TFDP1: variants seen among roughly 807,000 people sequenced by gnomAD.
The protein encoded by TFDP1 is transcription factor Dp-1.
In TFDP1, 6 loss-of-function variants were observed where a neutral mutation model predicts 48.0. The observed-to-expected ratio is 0.13, with a 90% CI of 0.07 to 0.25. TFDP1 has a LOEUF of 0.25. TFDP1 is among the 10% of genes least tolerant of loss of function. The pLI, the probability that TFDP1 is intolerant of heterozygous loss-of-function variation, is 1.00. For missense variants in TFDP1, 335 were observed against 543.0 expected, an observed-to-expected ratio of 0.62 and a Z score of 3.81; for synonymous variants, 201 against 211.6, an observed-to-expected ratio of 0.95 and a Z score of 0.44.
In TFDP1 at chr13:113,636,018, G is replaced by A. The variant is rs4150806; in HGVS notation, c.729G>A (p.Ala243=). 1.2e-3 allele frequency: 1,889 copies of A among 1,614,096 alleles called. 21 individuals carry two copies. The African/African-American group carries it at 0.022, about 19-fold the overall frequency. ...ACCTGGTGCAGAGAAACCGGCATGC[G>A]GAGCAGCAGGCCAGCCGGCCACCGC... is the stretch of plus-strand genomic sequence containing the variant. ...FKNLVQRNRH[A]EQQASRPPPP... Residue 243 remains alanine (A), a synonymous_variant, in exon 9 of 12, where the codon GCG becomes GCA. Coordinates refer to ENST00000375370, the MANE Select transcript of TFDP1 (RefSeq NM_007111.5).
At chr13:113,599,386 C>G (rs1189156704) in intron 2 of TFDP1, among the ~76,000 whole-genome samples, 5 of 152,190 alleles carry the variant, frequency 3.3e-5, no homozygotes, top group African/African-American at 7.2e-5. Context: ...GTCACATAGG[C>G]AGCATTTACA....
At chr13:113,634,835 G>A (rs886642775) in intron 8 of TFDP1, among the ~76,000 whole-genome samples, 6 of 151,884 alleles carry the variant, frequency 4.0e-5, no homozygotes, top group East Asian at 1.9e-4. Context: ...GCATGTGTGT[G>A]TGTGTGCATG....
At chr13:113,618,017 G>A (rs1019123029) in intron 3 of TFDP1, among the ~76,000 whole-genome samples, 1 of 152,188 alleles carries the variant, frequency 6.6e-6, no homozygotes, top group African/African-American at 2.4e-5. Flanking sequence ...TATATAAAAT[G>A]TTTTTAATTA....
chr13:113,634,912 CGTGT>C (rs143479500), intron 8 of TFDP1, among the ~76,000 whole-genome samples: 16 of 151,074 alleles, frequency 1.1e-4, no homozygotes, highest in African/African-American at 2.2e-4. Context: ...TGCCTGTGTG[CGTGT>C]GTGTGTGTGC....
chr13:113,605,053 C>T lies in TFDP1; in HGVS notation c.13-5943C>T, dbSNP rs1453635403. ...AGCCTCAGCAGGGCGTTGTGTTTGA[C>T]GGCAAATGGGAATTAAATCATGGCA... is the stretch of plus-strand genomic sequence containing the variant. On this transcript the variant is annotated intron_variant, in intron 2 of 11. Transcript: ENST00000375370. Among the ~76,000 whole-genome samples, 6 of 152,232 alleles carry T rather than the reference C, an allele frequency of 3.9e-5. No homozygotes were observed. In the South Asian group the frequency reaches 6.2e-4, roughly 16 times the overall value.
chr13:113,585,680 C>G, intron 1 of TFDP1, 94 bp from the exon 2 acceptor site: 2 of 712,830 alleles, frequency 2.8e-6, no homozygotes, highest in Non-Finnish European at 4.5e-6. Flanking sequence ...GAAGGAAGGT[C>G]CGCGTTTCCT....
At chr13:113,632,982 G>C in intron 5 of TFDP1, 138 bp from the exon 6 acceptor site, 1 of 1,026,058 alleles carries the variant, frequency 9.7e-7, no homozygotes, top group Non-Finnish European at 1.4e-6. Context: ...GCCTGCTCAC[G>C]TGTTGGATCT....
chr13:113,587,597 G>C lies in TFDP1; in HGVS notation c.12+1748G>C, dbSNP rs534984811. Among the ~76,000 whole-genome samples the C allele has an allele frequency of 2.0e-5, 3 of 146,804 alleles. No homozygotes were observed. In the East Asian group the frequency reaches 6.2e-4, roughly 31 times the overall value. ...TCTCCTGGGTTTAAGCAATCCTCTC[G>C]CCTCAGCCTCCCGAGAAGCTAGGAT... On this transcript the variant is annotated intron_variant, in intron 2 of 11. Coordinates refer to ENST00000375370, the MANE Select transcript of TFDP1 (RefSeq NM_007111.5).
chr13:113,640,071 C>T, intron 11 of TFDP1, 49 bp from the exon 12 acceptor site: 1 of 1,411,516 alleles, frequency 7.1e-7, no homozygotes, highest in East Asian at 2.4e-5. Context: ...CGGGGGGAGG[C>T]TGGGTGGGCC....
chr13:113,584,846 C>G lies in TFDP1; in HGVS notation c.-107C>G, dbSNP rs1026489389. On this transcript the variant is annotated 5_prime_UTR_variant, in exon 1 of 12. Transcript: ENST00000375370. ...GCGCCGCCCCGCGCTCCGCACCGCG[C>G]CCTCTCCGCGTCCCCGCCCGCGCGG... 6.8e-6 allele frequency: 1 copy of G among 146,344 alleles called. No individual in the cohort carries two copies. Among genetic ancestry groups the G allele is most frequent in the African/African-American group, 2.5e-5 (1 of 40,810 alleles). The allele number at this position is 146,344 out of a possible 1,614,324, so 9.1% of individuals were successfully genotyped here. A position where few individuals can be genotyped will look rare whatever the true frequency, so the allele number is the denominator to read the frequency against.
At chr13:113,597,092 C>T (rs2048306257) in intron 2 of TFDP1, among the ~76,000 whole-genome samples, 2 of 152,134 alleles carry the variant, frequency 1.3e-5, no homozygotes, top group African/African-American at 2.4e-5. Flanking sequence ...GTTGCCGCTC[C>T]GTTCTGACCC....
intron 3 of TFDP1, among the ~76,000 whole-genome samples, chr13:113,617,137 G>A (rs2048877902): frequency 6.6e-6 from 1 of 152,176 alleles, no homozygotes; most frequent in South Asian, 2.1e-4. Flanking sequence ...TGGAGGCCCA[G>A]CCACGTCAGG....
At chr13:113,634,119 C>T in intron 7 of TFDP1, 86 bp downstream of exon 7, 1 of 1,575,686 alleles carries the variant, frequency 6.3e-7, no homozygotes, top group Non-Finnish European at 8.7e-7. Flanking sequence ...AGGGTCTGGG[C>T]TCCGTGCCCT....
chr13:113,625,793 C>G (rs1477636785), intron 4 of TFDP1, among the ~76,000 whole-genome samples: 775 of 41,314 alleles, frequency 0.019, no homozygotes, highest in Non-Finnish European at 0.031. Context: ...CCTCAGGCGT[C>G]TCTCACGTGT....
intron 2 of TFDP1, 118 bp downstream of exon 2, chr13:113,585,967 C>A (rs969272972): frequency 4.9e-6 from 6 of 1,212,134 alleles, no homozygotes; most frequent in Non-Finnish European, 3.6e-6. Context: ...TATTTTCAGA[C>A]TTTTAAAGCG....
chr13:113,630,901 CTGG>C (rs1245147041), intron 4 of TFDP1, among the ~76,000 whole-genome samples: 1 of 152,200 alleles, frequency 6.6e-6, no homozygotes, highest in East Asian at 1.9e-4. Context: ...GGCGTTGCCT[CTGG>C]TGGTTCCCCC....
rs544174907 is a variant in TFDP1, at chr13:113,617,142, G to T, written c.80-6038G>T. ...CGGGTCCTGCTGGAGGCCCAGCCAC[G>T]TCAGGCACAGTAGGTGTGTGATTTG... is the stretch of plus-strand genomic sequence containing the variant. On this transcript the variant is annotated intron_variant, in intron 3 of 11. Transcript: ENST00000375370. Among the ~76,000 whole-genome samples, 230 of 152,288 alleles carry T rather than the reference G, an allele frequency of 1.5e-3. 1 individual carries two copies. The highest frequency in any genetic ancestry group is 5.3e-3 in the African/African-American group (221 of 41,572).
rs138288637 is a variant in TFDP1 at position 113,623,160 on chromosome 13, C to T, written c.80-20C>T. ...TTAGAAAAGGAGTCTCGCCCTTGACCTGGTGTCCTTGTGTTGCAGGCGTGG... is the reference window on the plus strand; with the variant it reads ...TTAGAAAAGGAGTCTCGCCCTTGACTTGGTGTCCTTGTGTTGCAGGCGTGG... On this transcript the variant is annotated intron_variant, in intron 3 of 11. Coordinates refer to ENST00000375370, the MANE Select transcript of TFDP1 (RefSeq NM_007111.5). This position sits in a 1 kb window ranked among gnomAD's most constrained non-coding sequence, Gnocchi z 5.2. 2.6e-4 allele frequency: 417 copies of T among 1,606,502 alleles called. 3 individuals are homozygous for T. The African/African-American group carries it at 5.2e-3, about 20-fold the overall frequency.
chr13:113,633,813 A>G lies in TFDP1; in HGVS notation c.475-77A>G, dbSNP rs1484233757. 3.3e-6 allele frequency: 5 copies of G among 1,523,290 alleles called. No homozygotes were observed. Among genetic ancestry groups the G allele is most frequent in the African/African-American group, 1.4e-5 (1 of 72,120 alleles). The allele number at this position is 1,523,290 out of a possible 1,614,324, so 94.4% of individuals were successfully genotyped here. A position where few individuals can be genotyped will look rare whatever the true frequency, so the allele number is the denominator to read the frequency against. Reference sequence around the variant, plus strand: ...CGTGAGCGGGGTGCCCCTTTGAGCCAGTGCCCATGGTCTACAGTTTAAGGA... The same window carrying G: ...CGTGAGCGGGGTGCCCCTTTGAGCCGGTGCCCATGGTCTACAGTTTAAGGA... On this transcript the variant is annotated intron_variant, in intron 6 of 11. Coordinates refer to ENST00000375370, the MANE Select transcript of TFDP1 (RefSeq NM_007111.5). This position sits in a 1 kb window ranked among gnomAD's most constrained non-coding sequence, Gnocchi z 4.5.
Sources: gnomAD v4.1 joint callset for allele counts (sites outside exome capture counted in the v4.1 genomes callset) on GRCh38, gnomAD v4.1.1 for gene constraint, Gnocchi (gnomAD v3.1) non-coding constraint, MANE v1.5 for transcripts, NCBI Gene and HGNC (gene_info 2026-07-23, HGNC 2026-07-21) for gene names.